Variants in ADAMTS6 observed in about 807,000 individuals in gnomAD.
The protein encoded by ADAMTS6 is ADAM metallopeptidase with thrombospondin type 1 motif 6.
Under a neutral mutation model 144.3 loss-of-function variants are expected in ADAMTS6, and 23 were observed. The ratio of observed to expected loss-of-function variants is 0.16; its 90% CI spans 0.11 to 0.23. The LOEUF is 0.23. Ranked by LOEUF, ADAMTS6 falls within the 10% of genes least tolerant of loss-of-function variation. The pLI is 1.00. For missense variants in ADAMTS6, 999 were observed against 1,379.6 expected (o/e 0.72, Z 4.37); for synonymous variants, 444 against 457.5 (o/e 0.97, Z 0.38).
chr5:65,250,550 A>T (rs767517040), intron 14 of ADAMTS6, among the ~76,000 whole-genome samples: 5 of 152,224 alleles, frequency 3.3e-5, no homozygotes, highest in Non-Finnish European at 2.9e-5. Flanking sequence ...AAATCTTAGA[A>T]CAGACCACAG....
chr5:65,173,138 C>A (rs1753738090), intron 22 of ADAMTS6, 130 bp from the exon 23 acceptor site: 1 of 853,652 alleles, frequency 1.2e-6, no homozygotes, highest in Admixed American at 3.1e-5. Flanking sequence ...TAGGCAAAGT[C>A]TCTCAGATAC....
At position 65,259,154 on chromosome 5, in the gene ADAMTS6, C is replaced by G. The variant is rs182013436; in HGVS notation, c.1830+1446G>C. ...GGTGGATCACCTGAGGTCAGGAGTT[C>G]GAGACCAGTCTGGCCAATGTGGTGA... On this transcript the variant is annotated intron_variant, in intron 14 of 24. Coordinates refer to ENST00000381055, the MANE Select transcript of ADAMTS6 (RefSeq NM_197941.4). Among the ~76,000 whole-genome samples the G allele has an allele frequency of 3.1e-3, 468 of 151,666 alleles. 3 individuals carry two copies. Among genetic ancestry groups the G allele is most frequent in the Middle Eastern group, 0.01 (3 of 292 alleles).
At chr5:65,402,346 A>G (rs963799986) in intron 7 of ADAMTS6, among the ~76,000 whole-genome samples, 5 of 152,116 alleles carry the variant, frequency 3.3e-5, no homozygotes, top group Non-Finnish European at 5.9e-5. Context: ...AATGTGACTG[A>G]AGACAAAATA....
At chr5:65,301,079 A>G (rs754819564) in intron 9 of ADAMTS6, among the ~76,000 whole-genome samples, 4 of 152,092 alleles carry the variant, frequency 2.6e-5, no homozygotes, top group Non-Finnish European at 5.9e-5. Flanking sequence ...TTCATTTTTA[A>G]AATATTTTGT....
intron 9 of ADAMTS6, among the ~76,000 whole-genome samples, chr5:65,300,920 C>A (rs143304955): frequency 6.6e-6 from 1 of 152,068 alleles, no homozygotes; most frequent in African/African-American, 2.4e-5. Flanking sequence ...CGGGAGCCAC[C>A]GCGCCCGGCC....
chr5:65,430,396 C>A (rs1756901108), intron 7 of ADAMTS6, among the ~76,000 whole-genome samples: 1 of 152,192 alleles, frequency 6.6e-6, no homozygotes, highest in Non-Finnish European at 1.5e-5. Context: ...AGGTGAAGCC[C>A]AAGGCTGAAA....
intron 7 of ADAMTS6, among the ~76,000 whole-genome samples, chr5:65,375,541 C>G (rs1751445302): frequency 1.3e-5 from 2 of 152,060 alleles, no homozygotes; most frequent in South Asian, 4.1e-4. Flanking sequence ...CAGAGAAATA[C>G]AAATCAAAAC....
At chr5:65,471,962 G>A (rs11742569) in intron 2 of ADAMTS6, among the ~76,000 whole-genome samples, 6,931 of 152,084 alleles carry the variant, frequency 0.046, 192 homozygotes, top group Non-Finnish European at 0.068. Context: ...TGAATGCTCA[G>A]CAATATTCAT....
chr5:65,179,200 C>G (rs2112124416), intron 22 of ADAMTS6, among the ~76,000 whole-genome samples: 1 of 152,258 alleles, frequency 6.6e-6, no homozygotes, highest in East Asian at 1.9e-4. Flanking sequence ...CCAGTGTATA[C>G]ATCAAGTCAC....
At chr5:65,212,421 CTCTTT>C (rs1394560427) in intron 20 of ADAMTS6, among the ~76,000 whole-genome samples, 3 of 117,280 alleles carry the variant, frequency 2.6e-5, no homozygotes, top group Non-Finnish European at 5.3e-5. Flanking sequence ...GCTTTTCTCT[CTCTTT>C]TTTTTTTTTT....
intron 11 of ADAMTS6, among the ~76,000 whole-genome samples, chr5:65,280,825 G>C (rs1762928802): frequency 6.6e-6 from 1 of 152,134 alleles, no homozygotes; most frequent in South Asian, 2.1e-4. Flanking sequence ...ATAAATGACT[G>C]GGGAAAAAAT....
rs1371097593 is a variant in ADAMTS6 at position 65,388,404 on chromosome 5, C to G, written c.1074-54319G>C. On this transcript the variant is annotated intron_variant, in intron 7 of 24. Transcript: ENST00000381055. The stretch of plus-strand genomic sequence containing the variant: ...AGGTACAGGGGATGAAGTTATAACA[C>G]TGAAACCCTCAGCCTACACTCAGTT... 2.6e-5 allele frequency among the ~76,000 whole-genome samples: 4 copies of G among 152,166 alleles called. No individual in the cohort carries two copies. In the East Asian group the frequency reaches 7.7e-4, roughly 29 times the overall value.
At position 65,391,807 on chromosome 5, in the gene ADAMTS6, C is replaced by T. The variant is rs371690728; in HGVS notation, c.1074-57722G>A. On this transcript the variant is annotated intron_variant, in intron 7 of 24. Transcript: ENST00000381055. ...CTGGAATGCAGTAGCATGATCTTGG[C>T]TCACTGCAACATCTGCCTCCCGGAT... Among the ~76,000 whole-genome samples the T allele has an allele frequency of 5.9e-5, 9 of 151,664 alleles. No homozygotes were observed. The East Asian group carries it at 1.6e-3, about 26-fold the overall frequency.
chr5:65,434,438 T>G (rs1757229987), intron 7 of ADAMTS6, among the ~76,000 whole-genome samples: 1 of 152,128 alleles, frequency 6.6e-6, no homozygotes, highest in South Asian at 2.1e-4. Context: ...AATGGGTGAA[T>G]TGTATGGTGT....
At chr5:65,366,406 A>G (rs1450999653) in intron 7 of ADAMTS6, among the ~76,000 whole-genome samples, 2 of 152,228 alleles carry the variant, frequency 1.3e-5, no homozygotes, top group African/African-American at 2.4e-5. Context: ...TATTTAATAT[A>G]GAATTCTACC....
chr5:65,310,246 T>C (rs1362338611), intron 9 of ADAMTS6, among the ~76,000 whole-genome samples: 1 of 152,086 alleles, frequency 6.6e-6, no homozygotes, highest in Non-Finnish European at 1.5e-5. Context: ...CTGTACAGCC[T>C]GAAGAACCGT....
chr5:65,456,199 ATCTT>A (rs898197058), intron 4 of ADAMTS6, among the ~76,000 whole-genome samples: 1 of 152,098 alleles, frequency 6.6e-6, no homozygotes, highest in Non-Finnish European at 1.5e-5. Context: ...TGTAACTACT[ATCTT>A]TCTTAGTCTA....
intron 7 of ADAMTS6, among the ~76,000 whole-genome samples, chr5:65,430,965 T>C (rs535805444): frequency 6.6e-6 from 1 of 152,202 alleles, no homozygotes; most frequent in Non-Finnish European, 1.5e-5. Context: ...TACTTATTCA[T>C]AATCAAGTTT....
rs984418843 is a variant in ADAMTS6 at position 65,236,826 on chromosome 5, A to G, written c.1933+5278T>C. Among the ~76,000 whole-genome samples the G allele has an allele frequency of 2.6e-5, 4 of 152,132 alleles. 1 individual carries two copies. The highest frequency in any genetic ancestry group is 4.4e-5 in the Non-Finnish European group (3 of 68,016). Reference sequence around the variant, plus strand: ...ATAATAACTATAAGAGCAAAAATTAATAAGCTAGAAAAAAGACAAATTACA... The same window carrying G: ...ATAATAACTATAAGAGCAAAAATTAGTAAGCTAGAAAAAAGACAAATTACA... On this transcript the variant is annotated intron_variant, in intron 15 of 24. Transcript: ENST00000381055.
Sources: gnomAD v4.1 joint callset for allele counts (sites outside exome capture counted in the v4.1 genomes callset) on GRCh38, gnomAD v4.1.1 for gene constraint, MANE v1.5 for transcripts, NCBI Gene and HGNC (gene_info 2026-07-23, HGNC 2026-07-21) for gene names.